Variants in AMZ1 observed in about 807,000 individuals in gnomAD.
AMZ1 encodes archaemetzincin-1.
In AMZ1, 39 loss-of-function variants were observed where a neutral mutation model predicts 29.9. The ratio of observed to expected loss-of-function variants is 1.30; its 90% CI spans 1.01 to 1.70. The LOEUF is 1.70. Ranked by LOEUF, AMZ1 falls within the 40% of genes most tolerant of loss-of-function variation. The pLI, the probability that AMZ1 is intolerant of heterozygous loss-of-function variation, is 0.00. For missense variants in AMZ1, 1,041 were observed against 680.6 expected (o/e 1.53, Z -5.89); for synonymous variants, 458 against 304.0 (o/e 1.51, Z -5.27).
chr7:2,694,916 G>T (rs1395441420), intron 1 of AMZ1, among the ~76,000 whole-genome samples: 2 of 152,040 alleles, frequency 1.3e-5, no homozygotes, highest in African/African-American at 4.8e-5. Flanking sequence ...CGAGTGATCC[G>T]CCTGCCTCGA....
chr7:2,709,563 C>T (rs1421838581), intron 5 of AMZ1, 77 bp from the exon 6 acceptor site: 1 of 1,538,142 alleles, frequency 6.5e-7, no homozygotes, highest in Non-Finnish European at 8.7e-7. Context: ...CATTTTGGTC[C>T]TGCTGGGGCT....
intron 4 of AMZ1, among the ~76,000 whole-genome samples, chr7:2,726,237 C>T (rs1193356852): frequency 1.3e-5 from 2 of 152,212 alleles, no homozygotes; most frequent in African/African-American, 4.8e-5. Context: ...GAAAACCCAC[C>T]ATCCCCGCAA....
At chr7:2,722,974 A>G (rs995624467), downstream of AMZ1, among the ~76,000 whole-genome samples, 4 of 152,040 alleles carry the variant, frequency 2.6e-5, no homozygotes, top group African/African-American at 4.8e-5. Context: ...GCAAGACCCT[A>G]TATTTAAAAT....
chr7:2,712,837 G>T lies in AMZ1; in HGVS notation c.1456G>T (p.Ala486Ser), dbSNP rs576183052. The change falls in exon 7 of 7, where the codon GCA becomes TCA. Residue 486 changes from alanine to serine, a missense_variant. Transcript: ENST00000683327. ...GCTGAGTGCCCGAAAACTCGCCAGA[G>T]CAGAGTCGGCCCCCCGTCCCTGGGA... is the stretch of plus-strand genomic sequence containing the variant. ...RKLSARKLAR[A>S]ESAPRPWDGE... The T allele has an allele frequency of 2.0e-6, 3 of 1,530,596 alleles. No individual in the cohort carries two copies. Among genetic ancestry groups the T allele is most frequent in the African/African-American group, 2.8e-5 (2 of 72,676 alleles). The allele number at this position is 1,530,596 out of a possible 1,614,324, so 94.8% of individuals were successfully genotyped here.
chr7:2,706,936 G>T (rs908506969), intron 3 of AMZ1, among the ~76,000 whole-genome samples: 1 of 151,926 alleles, frequency 6.6e-6, no homozygotes, highest in Non-Finnish European at 1.5e-5. Context: ...AGCGTGAGCT[G>T]TGATTGTACT....
Position 2,731,803 on chromosome 7 carries a change from A to C in AMZ1, n.550+21987A>C, listed in dbSNP as rs1196775739. The C allele has an allele frequency of 2.1e-6, 2 of 948,866 alleles. No individual in the cohort carries two copies. The highest frequency in any genetic ancestry group is 2.3e-4 in the Middle Eastern group (1 of 4,354). 58.8% of individuals were successfully genotyped at this position (948,866 alleles called of 1,614,324 possible). A position where few individuals can be genotyped will look rare whatever the true frequency, so the allele number is the denominator to read the frequency against. ...TTAGGGGGAGGAAGAAAGAACAGAG[A>C]AAATAGAAACAAAAAGATGGCAAAA... is the stretch of plus-strand genomic sequence containing the variant. On this transcript the variant is annotated intron_variant and non_coding_transcript_variant, in intron 4 of 4. Coordinates refer to the AMZ1 transcript ENST00000489665. The surrounding 1 kb of genome is among the most constrained non-coding windows in gnomAD (Gnocchi z 6.0).
At chr7:2,686,904 G>A (rs1236412341), upstream of AMZ1, among the ~76,000 whole-genome samples, 1 of 151,648 alleles carries the variant, frequency 6.6e-6, no homozygotes, top group Admixed American at 6.6e-5. Context: ...TAATAGAGAC[G>A]GGGTTTGACC....
chr7:2,750,722 A>C (rs1257007426), intron 4 of AMZ1, among the ~76,000 whole-genome samples: 11 of 152,236 alleles, frequency 7.2e-5, no homozygotes, highest in Non-Finnish European at 1.0e-4. Flanking sequence ...GCATGTTAAC[A>C]GACACACACA....
At position 2,682,247 on chromosome 7, in the gene AMZ1, T is replaced by C. The variant is rs965140281; in HGVS notation, c.-219+2576T>C. Among the ~76,000 whole-genome samples the C allele has an allele frequency of 1.9e-4, 27 of 139,872 alleles. No individual in the cohort carries two copies. In the East Asian group the frequency reaches 3.1e-3, roughly 16 times the overall value. The allele number at this position is 139,872 out of a possible 152,430, so 91.8% of individuals were successfully genotyped here. A position where few individuals can be genotyped will look rare whatever the true frequency, so the allele number is the denominator to read the frequency against. On this transcript the variant is annotated intron_variant, in intron 1 of 6. Transcript: ENST00000312371. ...TCTTCGTGCTGGGGAGCTCCTGTCC[T>C]CCCCTCAGGCCTGAGAGGGTCCCCA...
chr7:2,712,844 CG>C lies in AMZ1; in HGVS notation c.1465del (p.Ala489ProfsTer22), dbSNP rs770387899. ...LSARKLARAESAPRPWDGEES is the reference protein window; with the variant it reads ...LSARKLARAEXAPRPWDGEES ...GCCCGAAAACTCGCCAGAGCAGAGT[CG>C]GCCCCCCGTCCCTGGGATGGGGAAG... On this transcript the variant is annotated frameshift_variant, in exon 7 of 7. Coordinates refer to ENST00000683327, the MANE Select transcript of AMZ1 (RefSeq NM_001384743.1). LOFTEE classifies it high-confidence loss of function. The C allele has an allele frequency of 4.6e-6, 7 of 1,527,020 alleles. No individual in the cohort carries two copies. The highest frequency in any genetic ancestry group is 4.2e-5 in the Admixed American group (2 of 47,876). 94.6% of individuals were successfully genotyped at this position (1,527,020 alleles called of 1,614,324 possible). A position where few individuals can be genotyped will look rare whatever the true frequency, so the allele number is the denominator to read the frequency against.
Position 2,731,520 on chromosome 7 carries a change from C to T in AMZ1, n.550+21704C>T. On this transcript the variant is annotated intron_variant and non_coding_transcript_variant, in intron 4 of 4. Transcript: ENST00000489665. The surrounding 1 kb of genome is among the most constrained non-coding windows in gnomAD (Gnocchi z 6.0). ...CGAAGATGTTCATGGACTCCACCAG[C>T]CGGTTGGTGCGCCTGTCCTCCATGA... is the stretch of plus-strand genomic sequence containing the variant. 1 of 1,612,572 alleles carries T rather than the reference C, an allele frequency of 6.2e-7. No homozygotes were observed. Among genetic ancestry groups the T allele is most frequent in the African/African-American group, 1.3e-5 (1 of 75,020 alleles).
upstream of AMZ1, among the ~76,000 whole-genome samples, chr7:2,687,495 G>A (rs1288360184): frequency 6.6e-6 from 1 of 152,212 alleles, no homozygotes; most frequent in Admixed American, 6.5e-5. Context: ...AGAGGAAAAG[G>A]GCAGTTTATG....
intron 2 of AMZ1, chr7:2,702,363 T>G: frequency 4.5e-6 from 1 of 224,430 alleles, no homozygotes. Context: ...CAGGCTGGCA[T>G]TTTGCAGCGA....
At chr7:2,709,426 C>A (rs1286411956) in intron 5 of AMZ1, among the ~76,000 whole-genome samples, 182 bp downstream of exon 5, 3 of 127,496 alleles carry the variant, frequency 2.4e-5, no homozygotes, top group Admixed American at 8.0e-5. Context: ...AGCCCCAAGC[C>A]CCTATCCTGT....
At chr7:2,709,570 GGCT>G (rs1410069564) in intron 5 of AMZ1, 67 bp from the exon 6 acceptor site, 5 of 1,552,958 alleles carry the variant, frequency 3.2e-6, no homozygotes, top group Admixed American at 1.9e-5. Flanking sequence ...GTCCTGCTGG[GGCT>G]GCCTGGGGAT....
At chr7:2,751,347 C>T (rs1389942865) in intron 4 of AMZ1, among the ~76,000 whole-genome samples, 4 of 147,904 alleles carry the variant, frequency 2.7e-5, no homozygotes, top group African/African-American at 1.0e-4. Context: ...GCCAAGACTG[C>T]ACCACTGCAA....
rs201876216 is a variant in AMZ1, at chr7:2,708,742, C to G, written c.601+26C>G. ...GTGAGCCGGGGCCCCAGCAGCTGTG[C>G]GTGGGGGGTAGCCTGGCATGGGGCT... On this transcript the variant is annotated intron_variant, in intron 4 of 6. Coordinates refer to ENST00000683327, the MANE Select transcript of AMZ1 (RefSeq NM_001384743.1). The G allele has an allele frequency of 1.9e-5, 31 of 1,611,252 alleles. No individual in the cohort carries two copies. In the African/African-American group the frequency reaches 3.2e-4, roughly 17 times the overall value.
rs567959658 is a variant in AMZ1 at position 2,730,993 on chromosome 7, G to A, written n.550+21177G>A. On this transcript the variant is annotated intron_variant and non_coding_transcript_variant, in intron 4 of 4. Coordinates refer to the AMZ1 transcript ENST00000489665. Reference sequence around the variant, plus strand: ...TCGCCCCCAGGATTCAGTAGCTAACGTGACAGTTTCCATGTCCTTTTGCCT... The same window carrying A: ...TCGCCCCCAGGATTCAGTAGCTAACATGACAGTTTCCATGTCCTTTTGCCT... 9.4e-6 allele frequency: 5 copies of A among 531,248 alleles called. 1 individual carries two copies. Among genetic ancestry groups the A allele is most frequent in the East Asian group, 8.5e-5 (3 of 35,156 alleles). The allele number at this position is 531,248 out of a possible 1,614,324, so 32.9% of individuals were successfully genotyped here.
intron 1 of AMZ1, among the ~76,000 whole-genome samples, chr7:2,689,371 G>GGGGC (rs1554244935): frequency 3.6e-5 from 3 of 83,168 alleles, no homozygotes; most frequent in Non-Finnish European, 8.9e-5. Context: ...GAACCTCCCT[G>GGGGC]GGGGGGGGAT....
Sources: allele counts gnomAD v4.1 joint callset (sites outside exome capture counted in the v4.1 genomes callset), GRCh38; gene constraint gnomAD v4.1.1; non-coding constraint Gnocchi (gnomAD v3.1); transcripts MANE v1.5; gene names NCBI Gene and HGNC (gene_info 2026-07-23, HGNC 2026-07-21).